The following RBM41 variants were observed in gnomAD, a reference collection of about 807,000 sequenced individuals.
The protein encoded by RBM41 is RNA binding motif protein 41.
Under a neutral mutation model 30.8 loss-of-function variants are expected in RBM41, and 14 were observed. That is an observed-to-expected ratio of 0.45 (90% CI 0.30 to 0.71). The LOEUF is 0.71. Ranked by LOEUF, RBM41 falls within the 30% of genes least tolerant of loss-of-function variation. The pLI is 0.08. For synonymous variants in RBM41, 120 were observed against 110.1 expected (o/e 1.09, Z -0.56); for missense variants, 276 against 326.3 (o/e 0.85, Z 1.19).
intron 5 of RBM41, among the ~76,000 whole-genome samples, chrX:107,099,044 A>G (rs1371841028): frequency 9.0e-6 from 1 of 111,437 alleles, no homozygotes; most frequent in Admixed American, 9.5e-5. Flanking sequence ...CACTAAGTAT[A>G]AAGAAAAAAT....
chrX:107,088,506 T>C lies in RBM41; in HGVS notation c.929A>G (p.Asn310Ser), dbSNP rs1229390902. 8.3e-7 allele frequency: 1 copy of C among 1,209,549 alleles called. No individual in the cohort carries two copies. Among genetic ancestry groups the C allele is most frequent in the African/African-American group, 1.8e-5 (1 of 57,124 alleles). Residue 310 changes from asparagine (N) to serine (S), a missense_variant, in exon 6 of 8, where the codon AAT becomes AGT. Physicochemically the swap from Asn to Ser is conservative, Grantham distance 46 (BLOSUM62 1). Transcript: ENST00000685964. ...TCGGATCTCTTCCTCTGACAAACGA[T>C]TTCTCTGGATTTCATCTTCTGGGAC... is the stretch of plus-strand genomic sequence containing the variant. ...EFVPEDEIQR[N>S]RLSEEEIRKI...
downstream of RBM41, among the ~76,000 whole-genome samples, chrX:107,057,619 G>T (rs1457231659): frequency 3.6e-5 from 4 of 112,013 alleles, no homozygotes; most frequent in African/African-American, 1.3e-4. Flanking sequence ...GAATTCTGTT[G>T]TTCTTGGGTG....
chrX:107,052,221 G>A, the RBM41 span, among the ~76,000 whole-genome samples: 1 of 111,646 alleles, frequency 9.0e-6, no homozygotes, highest in East Asian at 2.8e-4. Flanking sequence ...TCGAATGCCT[G>A]GGTTTATATC....
rs1935664444 is a variant in RBM41, at chrX:107,062,201, T to A, written c.*5326A>T. ...GTTTGGCTTCTTTTACTTAGTAAAA[T>A]GCATTTAAGATTCATCCAAGTGGTT... On this transcript the variant is annotated 3_prime_UTR_variant, in exon 8 of 8. Coordinates refer to ENST00000685964, the MANE Select transcript of RBM41 (RefSeq NM_001324242.2). 8.9e-6 allele frequency among the ~76,000 whole-genome samples: 1 copy of A among 112,103 alleles called. No individual in the cohort carries two copies. The highest frequency in any genetic ancestry group is 1.9e-5 in the Non-Finnish European group (1 of 53,234).
intron 5 of RBM41, among the ~76,000 whole-genome samples, chrX:107,105,303 A>G (rs1284117597): frequency 9.3e-6 from 1 of 107,724 alleles, no homozygotes; most frequent in Non-Finnish European, 1.9e-5. Flanking sequence ...TAGGAATCCA[A>G]CTTACAAGGG....
intron 1 of RBM41, 33 bp from the exon 2 acceptor site, chrX:107,116,799 G>A (rs370175442): frequency 4.1e-5 from 47 of 1,154,681 alleles, no homozygotes; most frequent in Non-Finnish European, 5.3e-5. Flanking sequence ...TACAGAAAAC[G>A]GAAGAGACTG....
chrX:107,098,851 A>C (rs1334962231), intron 5 of RBM41, among the ~76,000 whole-genome samples: 1 of 110,354 alleles, frequency 9.1e-6, no homozygotes, highest in East Asian at 2.9e-4. Flanking sequence ...AAATACAAAA[A>C]TTAGCTGGCC....
rs970871460 is a variant in RBM41 at position 107,062,484 on chromosome X, C to T, written c.*5043G>A. Among the ~76,000 whole-genome samples the T allele has an allele frequency of 2.4e-4, 27 of 111,285 alleles. No homozygotes were observed. Among genetic ancestry groups the T allele is most frequent in the African/African-American group, 8.2e-4 (25 of 30,578 alleles). ...GGATAATTTATTCCTTGTCACTTAA[C>T]TATGTCTGAAATTAGAGTGTTAATC... On this transcript the variant is annotated 3_prime_UTR_variant, in exon 8 of 8. Coordinates refer to ENST00000685964, the MANE Select transcript of RBM41 (RefSeq NM_001324242.2).
chrX:107,113,948 G>A (rs966768699), intron 4 of RBM41, among the ~76,000 whole-genome samples: 5 of 111,044 alleles, frequency 4.5e-5, no homozygotes, highest in African/African-American at 9.8e-5. Flanking sequence ...TGAGCTTCAC[G>A]GCTGCATTTC....
rs1206634906 is a variant in RBM41, at chrX:107,067,050, A to G, written c.*477T>C. The G allele has an allele frequency of 1.3e-6, 1 of 751,206 alleles. No individual in the cohort carries two copies. The highest frequency in any genetic ancestry group is 2.3e-5 in the African/African-American group (1 of 43,131). The allele number at this position is 751,206 out of a possible 1,213,427, so 61.9% of individuals were successfully genotyped here. On this transcript the variant is annotated 3_prime_UTR_variant, in exon 8 of 8. Transcript: ENST00000685964. The stretch of plus-strand genomic sequence containing the variant: ...TTACTGCTGATAGTTCTGACTTAAT[A>G]GCATTTGTTGATGCTTAGGCCTGGG...
intron 5 of RBM41, among the ~76,000 whole-genome samples, chrX:107,100,448 T>C (rs149756580): frequency 0.038 from 4,062 of 106,494 alleles, 224 homozygotes; most frequent in African/African-American, 0.13. Context: ...GCTGAAATCA[T>C]GCCCCTGCAC....
rs1020247920 is a variant in RBM41, at chrX:107,065,668, G to A, written c.*1859C>T. 204 of 988,004 alleles carry A rather than the reference G, an allele frequency of 2.1e-4. No individual in the cohort carries two copies. The highest frequency in any genetic ancestry group is 2.6e-4 in the Non-Finnish European group (196 of 746,731). The allele number at this position is 988,004 out of a possible 1,213,427, so 81.4% of individuals were successfully genotyped here. On this transcript the variant is annotated 3_prime_UTR_variant, in exon 8 of 8. Transcript: ENST00000685964. Reference sequence around the variant, plus strand: ...ATATTAAACTTATTTCCTATTTCACGTTCTCTCCATTTGTTCCTGTGGATT... The same window carrying A: ...ATATTAAACTTATTTCCTATTTCACATTCTCTCCATTTGTTCCTGTGGATT...
At chrX:107,082,803 C>T (rs1378236223) in intron 6 of RBM41, among the ~76,000 whole-genome samples, 1 of 110,771 alleles carries the variant, frequency 9.0e-6, no homozygotes, top group Non-Finnish European at 1.9e-5. Context: ...ATAACAAAGA[C>T]AAATTTGTAT....
chrX:107,114,254 T>C (rs765501120), intron 4 of RBM41: 1 of 111,724 alleles, frequency 9.0e-6, no homozygotes, highest in African/African-American at 3.3e-5. Context: ...TAAATGACTG[T>C]AATATCTCCT....
chrX:107,110,180 A>G (rs1236992837), intron 5 of RBM41, among the ~76,000 whole-genome samples: 2 of 111,519 alleles, frequency 1.8e-5, no homozygotes, highest in Non-Finnish European at 3.8e-5. Flanking sequence ...CCTAAACTTC[A>G]TACCTTATAT....
intron 7 of RBM41, 69 bp from the exon 8 acceptor site, chrX:107,067,762 T>C: frequency 9.3e-7 from 1 of 1,079,564 alleles, no homozygotes; most frequent in Non-Finnish European, 1.2e-6. Flanking sequence ...AGGTTTAGTT[T>C]AGATTATTTT....
intron 6 of RBM41, among the ~76,000 whole-genome samples, chrX:107,076,108 G>T (rs940293875): frequency 9.1e-6 from 1 of 110,038 alleles, no homozygotes; most frequent in Non-Finnish European, 1.9e-5. Context: ...ATGAGGTCAG[G>T]AGTTTGAGAC....
At position 107,062,882 on chromosome X, in the gene RBM41, ATTAAC is replaced by A. The variant is rs1935690551; in HGVS notation, c.*4640_*4644del. ...CTATACATATTTCTGCATCTTGTTT[ATTAAC>A]TTAATACACAACCTTGGACATGAGT... On this transcript the variant is annotated 3_prime_UTR_variant, in exon 8 of 8. Coordinates refer to ENST00000685964, the MANE Select transcript of RBM41 (RefSeq NM_001324242.2). Among the ~76,000 whole-genome samples the A allele has an allele frequency of 8.9e-6, 1 of 112,167 alleles. No homozygotes were observed. The highest frequency in any genetic ancestry group is 3.2e-5 in the African/African-American group (1 of 30,892).
intron 5 of RBM41, among the ~76,000 whole-genome samples, chrX:107,089,521 C>T (rs927786458): frequency 2.7e-5 from 3 of 111,608 alleles, no homozygotes; most frequent in Admixed American, 9.5e-5. Context: ...GCTCCTCAGC[C>T]GAACTTAACA....
Sources: allele counts gnomAD v4.1 joint callset (sites outside exome capture counted in the v4.1 genomes callset), GRCh38; gene constraint gnomAD v4.1.1; transcripts MANE v1.5; gene names NCBI Gene and HGNC (gene_info 2026-07-23, HGNC 2026-07-21).